TSPAN12: variants seen among roughly 807,000 people sequenced by gnomAD.
TSPAN12 encodes tetraspanin 12.
TSPAN12 carries 19 observed loss-of-function variants against 39.2 expected under a neutral mutation model. The ratio of observed to expected loss-of-function variants is 0.49; its 90% CI spans 0.34 to 0.71. The LOEUF (loss-of-function observed/expected upper bound fraction) is 0.71, where lower values mean the gene tolerates loss of function less well. Among genes scored for constraint, TSPAN12 ranks in the 30% least tolerant of loss-of-function variants. The pLI is 0.01. For missense variants in TSPAN12, 314 were observed against 359.9 expected, an observed-to-expected ratio of 0.87 and a Z score of 1.03; for synonymous variants, 119 against 124.8, an observed-to-expected ratio of 0.95 and a Z score of 0.31.
Position 120,805,969 on chromosome 7 carries a change from A to G in TSPAN12, c.612+580T>C, listed in dbSNP as rs1793863577. Among the ~76,000 whole-genome samples the G allele has an allele frequency of 2.0e-5, 3 of 152,214 alleles. No individual in the cohort carries two copies. The South Asian group carries it at 6.2e-4, about 32-fold the overall frequency. On this transcript the variant is annotated intron_variant, in intron 7 of 7. Transcript: ENST00000222747. ...AATGGAGTAATTGATTATTCTGATC[A>G]ATTCTCCCAGAAAACACAAGTATGT...
chr7:120,800,744 G>GA (rs1554399376), intron 7 of TSPAN12, among the ~76,000 whole-genome samples: 1 of 118,738 alleles, frequency 8.4e-6, no homozygotes, highest in Non-Finnish European at 1.7e-5. Context: ...TTTCCTTATC[G>GA]TTTTTTTTTG....
chr7:120,854,357 C>A (rs76117559), intron 2 of TSPAN12, among the ~76,000 whole-genome samples: 19,735 of 152,112 alleles, frequency 0.13, 1,895 homozygotes, highest in East Asian at 0.33. Flanking sequence ...CAATCCACCT[C>A]CTGGTAATCT....
At position 120,810,458 on chromosome 7, in the gene TSPAN12, C is replaced by T; in HGVS notation, c.468+5G>A. 2 of 1,578,932 alleles carry T rather than the reference C, an allele frequency of 1.3e-6. 1 individual carries two copies. The highest frequency in any genetic ancestry group is 2.2e-5 in the South Asian group (2 of 90,370). On this transcript the variant is annotated splice_donor_5th_base_variant and intron_variant, in intron 6 of 7. Coordinates refer to ENST00000222747, the MANE Select transcript of TSPAN12 (RefSeq NM_012338.4). Reference sequence around the variant, plus strand: ...TCTCTCTACCTCAGAAATTGTAGCACTTACCTCTCTCTGAAAAAAATTCCA... The same window carrying T: ...TCTCTCTACCTCAGAAATTGTAGCATTTACCTCTCTCTGAAAAAAATTCCA...
chr7:120,824,099 A>C (rs1034100705), intron 4 of TSPAN12, among the ~76,000 whole-genome samples: 4 of 152,148 alleles, frequency 2.6e-5, no homozygotes, highest in Non-Finnish European at 5.9e-5. Context: ...TAGAAATGGT[A>C]TAACAAAAAT....
chr7:120,823,534 C>T (rs544005790), intron 4 of TSPAN12, among the ~76,000 whole-genome samples: 4 of 152,164 alleles, frequency 2.6e-5, no homozygotes, highest in South Asian at 2.1e-4. Context: ...CATGTAAACA[C>T]CAATCTAACC....
At chr7:120,827,516 G>A (rs931964821) in intron 4 of TSPAN12, among the ~76,000 whole-genome samples, 33 of 152,090 alleles carry the variant, frequency 2.2e-4, no homozygotes, top group African/African-American at 7.2e-4. Flanking sequence ...TATAAACAAC[G>A]ATAAAATTAT....
chr7:120,826,618 C>T (rs987186457), intron 4 of TSPAN12, among the ~76,000 whole-genome samples: 12 of 152,202 alleles, frequency 7.9e-5, no homozygotes, highest in African/African-American at 2.2e-4. Flanking sequence ...ATACCACACA[C>T]GATTCTGACC....
chr7:120,856,369 C>T (rs921304804), intron 2 of TSPAN12, among the ~76,000 whole-genome samples: 1 of 152,102 alleles, frequency 6.6e-6, no homozygotes, highest in Non-Finnish European at 1.5e-5. Context: ...CTAAAATTCC[C>T]GCAAACAAGC....
intron 2 of TSPAN12, among the ~76,000 whole-genome samples, chr7:120,851,374 T>G (rs960488117): frequency 6.6e-6 from 1 of 152,216 alleles, no homozygotes; most frequent in South Asian, 2.1e-4. Flanking sequence ...TTTTCATATT[T>G]AATCAGGGTA....
intron 2 of TSPAN12, among the ~76,000 whole-genome samples, chr7:120,845,114 C>T (rs1794647616): frequency 6.6e-6 from 1 of 152,150 alleles, no homozygotes; most frequent in African/African-American, 2.4e-5. Flanking sequence ...CTGAGATGTA[C>T]CTGGGCCCCT....
At chr7:120,834,826 C>A (rs576968807) in intron 4 of TSPAN12, among the ~76,000 whole-genome samples, 2 of 152,216 alleles carry the variant, frequency 1.3e-5, no homozygotes, top group Non-Finnish European at 2.9e-5. Flanking sequence ...GGTTAAAGGG[C>A]ACACAAAAAA....
chr7:120,833,417 A>AC (rs1794422995), intron 4 of TSPAN12, among the ~76,000 whole-genome samples: 2 of 152,064 alleles, frequency 1.3e-5, no homozygotes, highest in East Asian at 1.9e-4. Flanking sequence ...AAACAAACAA[A>AC]AAAAAAACAA....
At chr7:120,839,485 T>C (rs1407855499) in intron 3 of TSPAN12, among the ~76,000 whole-genome samples, 1 of 152,218 alleles carries the variant, frequency 6.6e-6, no homozygotes, top group Non-Finnish European at 1.5e-5. Flanking sequence ...ATTATTAAGC[T>C]AACTTTCCCT....
intron 2 of TSPAN12, among the ~76,000 whole-genome samples, chr7:120,840,432 T>C (rs546875458): frequency 2.6e-5 from 4 of 152,326 alleles, no homozygotes; most frequent in African/African-American, 9.6e-5. Flanking sequence ...CTAAAACACA[T>C]TGTCATTCTT....
chr7:120,798,337 C>T (rs894176600), intron 7 of TSPAN12, among the ~76,000 whole-genome samples: 3 of 152,158 alleles, frequency 2.0e-5, no homozygotes, highest in African/African-American at 7.2e-5. Flanking sequence ...CAGATCTCAT[C>T]AGCAGCTACT....
At chr7:120,841,649 T>A (rs139520203) in intron 2 of TSPAN12, among the ~76,000 whole-genome samples, 3,864 of 149,850 alleles carry the variant, frequency 0.026, 50 homozygotes, top group African/African-American at 0.036. Context: ...TTTTAAAAGG[T>A]CTTTATTTTC....
At chr7:120,815,885 C>G (rs2116388517) in intron 4 of TSPAN12, 82 bp from the exon 5 acceptor site, 1 of 1,290,754 alleles carries the variant, frequency 7.7e-7, no homozygotes, top group Middle Eastern at 1.9e-4. Context: ...TTATGTTTAC[C>G]TAGTGACCAA....
chr7:120,806,069 T>G (rs930205902), intron 7 of TSPAN12, among the ~76,000 whole-genome samples: 2 of 152,066 alleles, frequency 1.3e-5, no homozygotes, highest in Non-Finnish European at 2.9e-5. Flanking sequence ...AAAACTGACA[T>G]CACTAATCAT....
chr7:120,852,160 T>A (rs1158221599), intron 2 of TSPAN12, among the ~76,000 whole-genome samples: 1 of 152,214 alleles, frequency 6.6e-6, no homozygotes, highest in Non-Finnish European at 1.5e-5. Context: ...ATTGAATGGG[T>A]TCCCAATGTT....
Sources: allele counts gnomAD v4.1 joint callset (sites outside exome capture counted in the v4.1 genomes callset), GRCh38; gene constraint gnomAD v4.1.1; transcripts MANE v1.5; gene names NCBI Gene and HGNC (gene_info 2026-07-23, HGNC 2026-07-21).